The following ULK4 variants were observed in gnomAD, a reference collection of about 807,000 sequenced individuals.
ULK4 encodes unc-51 like kinase 4, also known as inactive serine/threonine-protein kinase ULK4.
A neutral mutation model predicts 160.6 loss-of-function variants in ULK4; 133 were observed. The observed-to-expected ratio is 0.83, with a 90% CI of 0.72 to 0.96. The LOEUF is 0.96. ULK4 is among the 40% of genes least tolerant of loss of function. ULK4 has a pLI of 0.00. For synonymous variants in ULK4, 534 were observed against 539.8 expected (o/e 0.99, Z 0.15); for missense variants, 1,580 against 1,499.5 (o/e 1.05, Z -0.89).
intron 31 of ULK4, among the ~76,000 whole-genome samples, chr3:41,576,557 TCTAGAAATCAA>T (rs1454349197): frequency 2.6e-5 from 4 of 152,188 alleles, no homozygotes; most frequent in Non-Finnish European, 5.9e-5. Flanking sequence ...AGAGCCTCCT[TCTAGAAATCAA>T]CTAGTCAGTG....
chr3:41,805,909 C>T (rs1197557892), intron 19 of ULK4, among the ~76,000 whole-genome samples: 3 of 146,108 alleles, frequency 2.1e-5, no homozygotes, highest in African/African-American at 5.1e-5. Context: ...AGGATTTTTG[C>T]ATCAATGTTC....
At chr3:41,527,792 C>T (rs568972909) in intron 32 of ULK4, among the ~76,000 whole-genome samples, 122 of 152,318 alleles carry the variant, frequency 8.0e-4, no homozygotes, top group African/African-American at 2.9e-3. Context: ...TGGATAATCA[C>T]ACTTTTCTTT....
At chr3:41,455,733 G>T in intron 33 of ULK4, 138 bp from the exon 34 acceptor site, 1 of 683,342 alleles carries the variant, frequency 1.5e-6, no homozygotes, top group Admixed American at 2.6e-5. Context: ...GGAATAGATG[G>T]AGGCCCCAGA....
At chr3:41,393,184 A>C (rs976070670) in intron 35 of ULK4, among the ~76,000 whole-genome samples, 1 of 152,200 alleles carries the variant, frequency 6.6e-6, no homozygotes. Flanking sequence ...TATTTTATGA[A>C]CATTCCTTAT....
rs55741060 is a variant in ULK4 at position 41,865,271 on chromosome 3, TAAAAAAAAAAAAAAAAAAA to T, written c.1656+18584_1656+18602del. Among the ~76,000 whole-genome samples the T allele has an allele frequency of 5.7e-4, 17 of 29,870 alleles. 1 individual carries two copies. Among genetic ancestry groups the T allele is most frequent in the Admixed American group, 1.1e-3 (2 of 1,766 alleles). 19.6% of individuals were successfully genotyped at this position (29,870 alleles called of 152,430 possible). ...GGGCAACAGAGCAAGACTCTGTCTT[TAAAAAAAAAAAAAAAAAAA>T]AAAAAAAAAAAAAAAGCCTTATCTA... On this transcript the variant is annotated intron_variant, in intron 17 of 36. Transcript: ENST00000301831.
intron 34 of ULK4, among the ~76,000 whole-genome samples, chr3:41,412,553 A>ATTTTTTTTTTTTTTTTTTTTTTTTTT (rs57224854): frequency 1.7e-4 from 17 of 100,426 alleles, no homozygotes; most frequent in African/African-American, 2.5e-4. Context: ...ATGCAGTTGA[A>ATTTTTTTTTTTTTTTTTTTTTTTTTT]TTTTTTTTTT....
intron 30 of ULK4, among the ~76,000 whole-genome samples, chr3:41,647,708 C>A (rs866185126): frequency 6.6e-6 from 1 of 152,248 alleles, no homozygotes; most frequent in Non-Finnish European, 1.5e-5. Context: ...GCTGGAAGAA[C>A]CACTGCTCTC....
chr3:41,298,337 A>G (rs1014382649), intron 35 of ULK4, among the ~76,000 whole-genome samples: 19 of 152,234 alleles, frequency 1.2e-4, no homozygotes, highest in Admixed American at 2.6e-4. Context: ...GAGTTTAAAG[A>G]TAAAGAGTTT....
At chr3:41,720,668 A>C (rs1056376877) in intron 22 of ULK4, among the ~76,000 whole-genome samples, 26 of 152,198 alleles carry the variant, frequency 1.7e-4, no homozygotes, top group Admixed American at 1.7e-3. Context: ...TTTCGCTCCT[A>C]ATAAAAGAAA....
intron 30 of ULK4, among the ~76,000 whole-genome samples, chr3:41,638,078 C>T (rs896155983): frequency 6.6e-6 from 1 of 151,316 alleles, no homozygotes; most frequent in African/African-American, 2.4e-5. Context: ...GTTGCCTTTG[C>T]TTTGAGTTCA....
At position 41,919,713 on chromosome 3, in the gene ULK4, T is replaced by C. The variant is rs1367622382; in HGVS notation, c.643+4A>G. On this transcript the variant is annotated splice_donor_region_variant and intron_variant, in intron 6 of 36. Coordinates refer to ENST00000301831, the MANE Select transcript of ULK4 (RefSeq NM_017886.4). Reference sequence around the variant, plus strand: ...GATTTTATACCTATTCAGGAAACAATTACCTGAAAACATTTCATAAAGCAG... The same window carrying C: ...GATTTTATACCTATTCAGGAAACAACTACCTGAAAACATTTCATAAAGCAG... The C allele has an allele frequency of 6.2e-7, 1 of 1,612,842 alleles. No homozygotes were observed. Among genetic ancestry groups the C allele is most frequent in the East Asian group, 2.2e-5 (1 of 44,878 alleles).
intron 21 of ULK4, among the ~76,000 whole-genome samples, chr3:41,760,419 A>G (rs1265450986): frequency 6.6e-6 from 1 of 152,174 alleles, no homozygotes; most frequent in Non-Finnish European, 1.5e-5. Flanking sequence ...GTATTCTAAT[A>G]AAATAAAAAC....
chr3:41,837,948 A>G (rs1326161136), intron 17 of ULK4, among the ~76,000 whole-genome samples: 1 of 152,204 alleles, frequency 6.6e-6, no homozygotes, highest in South Asian at 2.1e-4. Context: ...TACACATAAT[A>G]CATCATCTAG....
At chr3:41,491,978 G>C (rs958390236) in intron 32 of ULK4, among the ~76,000 whole-genome samples, 1 of 150,938 alleles carries the variant, frequency 6.6e-6, no homozygotes, top group Non-Finnish European at 1.5e-5. Context: ...GAGAACATGT[G>C]GTGTTTGGTT....
intron 27 of ULK4, among the ~76,000 whole-genome samples, chr3:41,704,851 G>C (rs539304342): frequency 1.2e-4 from 18 of 152,178 alleles, no homozygotes; most frequent in Admixed American, 9.2e-4. Context: ...GGACCAGGAA[G>C]GAAAGAGAAT....
chr3:41,315,072 T>C (rs1367634976), intron 35 of ULK4, among the ~76,000 whole-genome samples: 1 of 152,210 alleles, frequency 6.6e-6, no homozygotes, highest in Non-Finnish European at 1.5e-5. Context: ...TCTTTTTAAA[T>C]GTATTTTCTA....
intron 1 of ULK4, among the ~76,000 whole-genome samples, chr3:41,959,704 G>A (rs1271643935): frequency 2.0e-5 from 3 of 151,946 alleles, no homozygotes; most frequent in African/African-American, 7.3e-5. Flanking sequence ...TTTCGGAGGT[G>A]GAGGCAGGAT....
At chr3:41,951,030 G>A (rs1417680157) in intron 2 of ULK4, among the ~76,000 whole-genome samples, 1 of 150,278 alleles carries the variant, frequency 6.7e-6, no homozygotes, top group Non-Finnish European at 1.5e-5. Context: ...TGTAGTCCCA[G>A]CTACTCAAGA....
At chr3:41,643,045 T>C (rs1389801185) in intron 30 of ULK4, among the ~76,000 whole-genome samples, 1 of 152,188 alleles carries the variant, frequency 6.6e-6, no homozygotes, top group African/African-American at 2.4e-5. Context: ...GTTGTTTGTT[T>C]TTTTCTTGTA....
Sources: allele counts gnomAD v4.1 joint callset (sites outside exome capture counted in the v4.1 genomes callset), GRCh38; gene constraint gnomAD v4.1.1; transcripts MANE v1.5; gene names NCBI Gene and HGNC (gene_info 2026-07-23, HGNC 2026-07-21).